Variants in FGF1 observed in about 807,000 individuals in gnomAD.
FGF1 encodes the protein beta-endothelial cell growth factor.
Under a neutral mutation model 13.4 loss-of-function variants are expected in FGF1, and 9 were observed. The observed-to-expected ratio is 0.67, with a 90% confidence interval of 0.40 to 1.17. The LOEUF (loss-of-function observed/expected upper bound fraction) is 1.17, where lower values mean the gene tolerates loss of function less well. FGF1 is among the 50% of genes most tolerant of loss of function. FGF1 has a pLI of 0.01. For missense variants in FGF1, 156 were observed against 192.7 expected (o/e 0.81, Z 1.13); for synonymous variants, 93 against 79.0 (o/e 1.18, Z -0.94).
At chr5:142,651,695 C>T (rs1767279782) in intron 1 of FGF1, among the ~76,000 whole-genome samples, 1 of 152,186 alleles carries the variant, frequency 6.6e-6, no homozygotes, top group Admixed American at 6.5e-5. Flanking sequence ...ATTTTTACTG[C>T]CTCCATAGTT....
intron 1 of FGF1, among the ~76,000 whole-genome samples, chr5:142,618,121 G>A (rs958192630): frequency 5.9e-5 from 9 of 152,182 alleles, no homozygotes; most frequent in African/African-American, 1.9e-4. Flanking sequence ...AGCGAACTCC[G>A]TGTCACCATT....
intron 2 of FGF1, 92 bp downstream of exon 2, chr5:142,613,867 G>T: frequency 7.6e-7 from 1 of 1,316,794 alleles, no homozygotes; most frequent in Non-Finnish European, 1.0e-6. Flanking sequence ...CCTTGGAGAA[G>T]CAAGTACCTG....
intron 2 of FGF1, among the ~76,000 whole-genome samples, chr5:142,693,112 T>A (rs1752499223): frequency 6.6e-6 from 1 of 152,114 alleles, no homozygotes; most frequent in African/African-American, 2.4e-5. Context: ...AATTAATTGA[T>A]CCTATCTTTT....
intron 1 of FGF1, among the ~76,000 whole-genome samples, chr5:142,620,634 C>G (rs556970793): frequency 6.6e-6 from 1 of 151,976 alleles, no homozygotes; most frequent in Non-Finnish European, 1.5e-5. Flanking sequence ...GTGACAACTC[C>G]GCAATTATGG....
chr5:142,600,393 G>T (rs1387037418), intron 3 of FGF1, among the ~76,000 whole-genome samples: 1 of 151,996 alleles, frequency 6.6e-6, no homozygotes, highest in Admixed American at 6.6e-5. Flanking sequence ...AACATTTTTG[G>T]AATGAATGAA....
chr5:142,628,946 G>A (rs1762892072), intron 1 of FGF1, among the ~76,000 whole-genome samples: 2 of 152,032 alleles, frequency 1.3e-5, no homozygotes, highest in South Asian at 4.1e-4. Flanking sequence ...AGGTTCAGTG[G>A]GCTCTTATGA....
At chr5:142,626,555 A>G (rs560241919) in intron 1 of FGF1, among the ~76,000 whole-genome samples, 35 of 152,200 alleles carry the variant, frequency 2.3e-4, no homozygotes, top group Non-Finnish European at 4.9e-4. Context: ...GAGCTTCTCT[A>G]TTCTTTTTAC....
chr5:142,672,246 T>C (rs749461953), intron 1 of FGF1, among the ~76,000 whole-genome samples: 4 of 152,238 alleles, frequency 2.6e-5, no homozygotes, highest in Admixed American at 1.3e-4. Context: ...ATTTTAATCT[T>C]AAAATTCCTG....
chr5:142,681,280 T>TA (rs1773644815), intron 1 of FGF1, among the ~76,000 whole-genome samples: 2 of 152,260 alleles, frequency 1.3e-5, no homozygotes. Flanking sequence ...CTCAGATACT[T>TA]ACCCAATCTT....
Position 142,595,250 on chromosome 5 carries a change from G to T in FGF1, c.*40C>A. ...TGGGTCAACCAGGTGAGGACCCCTCGAAACTTCTCTGGAGTGGTCAACACC... is the reference window on the plus strand; with the variant it reads ...TGGGTCAACCAGGTGAGGACCCCTCTAAACTTCTCTGGAGTGGTCAACACC... On this transcript the variant is annotated 3_prime_UTR_variant, in exon 4 of 4. Coordinates refer to ENST00000337706, the MANE Select transcript of FGF1 (RefSeq NM_000800.5). 1 of 1,576,170 alleles carries T rather than the reference G, an allele frequency of 6.3e-7. No individual in the cohort carries two copies. The highest frequency in any genetic ancestry group is 1.2e-5 in the South Asian group (1 of 85,902).
intron 1 of FGF1, among the ~76,000 whole-genome samples, chr5:142,663,424 G>T (rs759046845): frequency 6.6e-6 from 1 of 152,208 alleles, no homozygotes; most frequent in Non-Finnish European, 1.5e-5. Flanking sequence ...TCTTTGAGAA[G>T]ATGGGAAAGT....
chr5:142,600,180 A>T (rs1012526131), intron 3 of FGF1, among the ~76,000 whole-genome samples: 1 of 152,130 alleles, frequency 6.6e-6, no homozygotes, highest in African/African-American at 2.4e-5. Context: ...TCAGCAACAT[A>T]GTGAGACCTT....
At chr5:142,601,844 C>G (rs1011657924) in intron 2 of FGF1, among the ~76,000 whole-genome samples, 1 of 152,194 alleles carries the variant, frequency 6.6e-6, no homozygotes. Context: ...TAATTGGAAT[C>G]CAATGTCCAT....
chr5:142,667,489 G>A (rs1327730401), intron 1 of FGF1, among the ~76,000 whole-genome samples: 14 of 151,564 alleles, frequency 9.2e-5, no homozygotes, highest in Admixed American at 2.0e-4. Flanking sequence ...GGGAGGCTGA[G>A]GCAGGAGAAA....
At chr5:142,663,704 A>G (rs887153281) in intron 1 of FGF1, among the ~76,000 whole-genome samples, 1 of 152,174 alleles carries the variant, frequency 6.6e-6, no homozygotes, top group Non-Finnish European at 1.5e-5. Flanking sequence ...TTTTTTCCAC[A>G]CAGACAACCT....
In FGF1 at chr5:142,593,004, T is replaced by C. The variant is rs1057147352; in HGVS notation, c.*2286A>G. On this transcript the variant is annotated 3_prime_UTR_variant, in exon 4 of 4. Coordinates refer to ENST00000337706, the MANE Select transcript of FGF1 (RefSeq NM_000800.5). ...ATCCAGTACAGTGCCTAGCACACAG[T>C]AGGCACCTTAATAGTCATTGAACAG... 6.6e-6 allele frequency: 1 copy of C among 152,228 alleles called. No individual in the cohort carries two copies. The highest frequency in any genetic ancestry group is 2.4e-5 in the African/African-American group (1 of 41,448). The allele number at this position is 152,228 out of a possible 1,614,324, so 9.4% of individuals were successfully genotyped here.
At chr5:142,606,725 G>T (rs1757779266) in intron 2 of FGF1, among the ~76,000 whole-genome samples, 1 of 152,314 alleles carries the variant, frequency 6.6e-6, no homozygotes, top group Non-Finnish European at 1.5e-5. Flanking sequence ...CATACAAGTA[G>T]CTGCTTTGGG....
intron 2 of FGF1, among the ~76,000 whole-genome samples, chr5:142,602,303 A>G (rs2151830346): frequency 6.6e-6 from 1 of 151,266 alleles, no homozygotes; most frequent in Non-Finnish European, 1.5e-5. Flanking sequence ...CATCCTCCCC[A>G]GTAGCTGGGA....
chr5:142,695,735 CAG>C (rs1207703114), intron 2 of FGF1, among the ~76,000 whole-genome samples: 2 of 152,122 alleles, frequency 1.3e-5, no homozygotes, highest in East Asian at 3.8e-4. Context: ...TTAGCTACCA[CAG>C]AGAGGGCTTG....
Sources: allele counts gnomAD v4.1 joint callset (sites outside exome capture counted in the v4.1 genomes callset), GRCh38; gene constraint gnomAD v4.1.1; transcripts MANE v1.5; gene names NCBI Gene and HGNC (gene_info 2026-07-23, HGNC 2026-07-21).